GNL1: variants seen among roughly 807,000 people sequenced by gnomAD.
GNL1 encodes guanine nucleotide-binding protein-like 1.
Under a neutral mutation model 75.2 loss-of-function variants are expected in GNL1, and 21 were observed. That is an observed-to-expected ratio of 0.28 (90% confidence interval 0.20 to 0.40). The LOEUF is 0.40. Among genes scored for constraint, GNL1 ranks in the 10% least tolerant of loss-of-function variants. The pLI is 1.00. For missense variants in GNL1, 579 were observed against 775.0 expected, an observed-to-expected ratio of 0.75 and a Z score of 3.00; for synonymous variants, 287 against 303.4, an observed-to-expected ratio of 0.95 and a Z score of 0.56.
chr6:30,553,864 G>A (rs1286431615), intron 5 of GNL1, among the ~76,000 whole-genome samples: 1 of 152,188 alleles, frequency 6.6e-6, no homozygotes, highest in Non-Finnish European at 1.5e-5. Flanking sequence ...TGGGGGTTAG[G>A]GTAGAAATTA....
intron 8 of GNL1, among the ~76,000 whole-genome samples, chr6:30,550,008 T>A (rs530162531): frequency 6.6e-6 from 1 of 152,000 alleles, no homozygotes; most frequent in African/African-American, 2.4e-5. Flanking sequence ...TATTTTTTGG[T>A]AGAGACAGGG....
intron 5 of GNL1, 111 bp downstream of exon 5, chr6:30,554,464 T>A (rs1295400340): frequency 1.3e-6 from 1 of 760,458 alleles, no homozygotes; most frequent in Non-Finnish European, 2.4e-6. Flanking sequence ...AGGTAGAGAT[T>A]AGAAAGACAG....
chr6:30,553,503 C>T lies in GNL1; in HGVS notation c.655G>A (p.Ala219Thr). 2 of 1,612,944 alleles carry T rather than the reference C, an allele frequency of 1.2e-6. No homozygotes were observed. Among genetic ancestry groups the T allele is most frequent in the Non-Finnish European group, 1.7e-6 (2 of 1,179,936 alleles). ...YEYVTGELGL[A>T]LVLVLNKVDL... ...ACCTTGTTCAAAACCAGCACCAGGGCCAGTCCAAGTTCTCCAGTCACATAC... is the reference window on the plus strand; with the variant it reads ...ACCTTGTTCAAAACCAGCACCAGGGTCAGTCCAAGTTCTCCAGTCACATAC... Residue 219 changes from alanine to threonine, a missense_variant, in exon 6 of 12, where the codon GCC becomes ACC. Transcript: ENST00000376621.
chr6:30,554,456 G>A lies in GNL1; in HGVS notation c.600+119C>T, dbSNP rs1373139378. 2.4e-5 allele frequency: 18 copies of A among 747,136 alleles called. No homozygotes were observed. In the East Asian group the frequency reaches 3.4e-4, roughly 14 times the overall value. 46.3% of individuals were successfully genotyped at this position (747,136 alleles called of 1,614,324 possible). A position where few individuals can be genotyped will look rare whatever the true frequency, so the allele number is the denominator to read the frequency against. On this transcript the variant is annotated intron_variant, in intron 5 of 11. Transcript: ENST00000376621. ...TCCTAACTGCGGACATCAGCACTAG[G>A]TAGAGATTAGAAAGACAGGAAGATA...
chr6:30,553,696 C>T (rs1409361362), intron 5 of GNL1, 139 bp from the exon 6 acceptor site: 3 of 640,268 alleles, frequency 4.7e-6, no homozygotes, highest in East Asian at 2.7e-5. Flanking sequence ...ATAAACCAGA[C>T]AAACTGAAAA....
Position 30,542,613 on chromosome 6 carries a change from G to C in GNL1, c.*3459C>G, listed in dbSNP as rs1799231789. 2.6e-5 allele frequency: 4 copies of C among 152,112 alleles called. No homozygotes were observed. 9.4% of individuals were successfully genotyped at this position (152,112 alleles called of 1,614,324 possible). On this transcript the variant is annotated 3_prime_UTR_variant, in exon 12 of 12. Coordinates refer to ENST00000376621, the MANE Select transcript of GNL1 (RefSeq NM_005275.5). This position sits in a 1 kb window ranked among gnomAD's most constrained non-coding sequence, Gnocchi z 4.5. ...GAAACAGGATGTATACTCTTGACTT[G>C]TCTCTCTCCCCTACACAGCAAAACA...
At position 30,556,166 on chromosome 6, in the gene GNL1, T is replaced by C; in HGVS notation, c.38A>G (p.Lys13Arg). The change falls in exon 1 of 12, where the codon AAG (lysine) becomes AGG (arginine). Residue 13 changes from lysine to arginine, a missense_variant. By Grantham distance (26) the Lys-to-Arg change is conservative (BLOSUM62 2). Transcript: ENST00000376621. The surrounding 1 kb of genome is among the most constrained non-coding windows in gnomAD (Gnocchi z 5.7). Reference protein sequence around the residue: ...RKKPFSVKQKKKQLQDKRERK... With the variant: ...RKKPFSVKQKRKQLQDKRERK... ...CTCCCGTTTGTCCTGCAACTGCTTC[T>C]TCTTCTGCTTCACGCTGAATGGCTT... 6.2e-7 allele frequency: 1 copy of C among 1,605,676 alleles called. No homozygotes were observed. Among genetic ancestry groups the C allele is most frequent in the Non-Finnish European group, 8.5e-7 (1 of 1,179,386 alleles).
chr6:30,547,785 G>A lies in GNL1; in HGVS notation c.1100-255C>T. The stretch of plus-strand genomic sequence containing the variant: ...GTGGACACCTCCCTACCTCAGGGTG[G>A]TCAGGATTAAATGAGATAACCAATA... On this transcript the variant is annotated intron_variant, in intron 8 of 11. Transcript: ENST00000376621. This position sits in a 1 kb window ranked among gnomAD's most constrained non-coding sequence, Gnocchi z 5.5. 1 of 544,286 alleles carries A rather than the reference G, an allele frequency of 1.8e-6. No homozygotes were observed. The highest frequency in any genetic ancestry group is 3.2e-6 in the Non-Finnish European group (1 of 312,750). The allele number at this position is 544,286 out of a possible 1,614,324, so 33.7% of individuals were successfully genotyped here. A position where few individuals can be genotyped will look rare whatever the true frequency, so the allele number is the denominator to read the frequency against.
In GNL1 at chr6:30,552,155, C is replaced by A; in HGVS notation, c.1099+312G>T. 2.7e-6 allele frequency: 1 copy of A among 370,290 alleles called. No individual in the cohort carries two copies. Among genetic ancestry groups the A allele is most frequent in the South Asian group, 7.2e-5 (1 of 13,984 alleles). 22.9% of individuals were successfully genotyped at this position (370,290 alleles called of 1,614,324 possible). ...CTGGGACTATATAGGCATGAGCCCT[C>A]ACACATGGCCGTCATCCATTCTTTT... On this transcript the variant is annotated intron_variant, in intron 8 of 11. Coordinates refer to ENST00000376621, the MANE Select transcript of GNL1 (RefSeq NM_005275.5). This position sits in a 1 kb window ranked among gnomAD's most constrained non-coding sequence, Gnocchi z 4.5.
Position 30,556,452 on chromosome 6 carries a change from G to A in GNL1, c.-249C>T. 1 of 575,766 alleles carries A rather than the reference G, an allele frequency of 1.7e-6. No individual in the cohort carries two copies. Among genetic ancestry groups the A allele is most frequent in the South Asian group, 2.0e-5 (1 of 50,066 alleles). 35.7% of individuals were successfully genotyped at this position (575,766 alleles called of 1,614,324 possible). On this transcript the variant is annotated 5_prime_UTR_variant, in exon 1 of 12. Transcript: ENST00000376621. This position sits in a 1 kb window ranked among gnomAD's most constrained non-coding sequence, Gnocchi z 5.7. ...CGGGGTGGGCTACTGGCACGTGAGA[G>A]CCAGTGGCACCGAGAGGGCGCCCCG... is the stretch of plus-strand genomic sequence containing the variant.
At chr6:30,549,076 C>CA (rs757342178) in intron 8 of GNL1, among the ~76,000 whole-genome samples, 17 of 152,124 alleles carry the variant, frequency 1.1e-4, no homozygotes, top group Non-Finnish European at 1.9e-4. Context: ...TGGCTCACTA[C>CA]AACCTCATCC....
rs1378085526 is a variant in GNL1, at chr6:30,548,554, A to C, written c.1100-1024T>G. 6.6e-6 allele frequency among the ~76,000 whole-genome samples: 1 copy of C among 152,050 alleles called. No homozygotes were observed. The highest frequency in any genetic ancestry group is 1.5e-5 in the Non-Finnish European group (1 of 68,004). On this transcript the variant is annotated intron_variant, in intron 8 of 11. Transcript: ENST00000376621. This position sits in a 1 kb window ranked among gnomAD's most constrained non-coding sequence, Gnocchi z 4.2. ...TTCCTTCTTACTTGACTCAGATTTC[A>C]TGATCCAGCTCCTCAGCCAGGCCCG... is the stretch of plus-strand genomic sequence containing the variant.
In GNL1 at chr6:30,555,196, G is replaced by C. The variant is rs1372610025; in HGVS notation, c.240-5C>G. On this transcript the variant is annotated splice_polypyrimidine_tract_variant and splice_region_variant and intron_variant, in intron 2 of 11. Transcript: ENST00000376621. This position sits in a 1 kb window ranked among gnomAD's most constrained non-coding sequence, Gnocchi z 4.3. Reference sequence around the variant, plus strand: ...CTCTCAAAATGCAGTCGGTATCTAAGGGAACAGGGACCGAGACATCCAGAG... The same window carrying C: ...CTCTCAAAATGCAGTCGGTATCTAACGGAACAGGGACCGAGACATCCAGAG... 1.9e-6 allele frequency: 3 copies of C among 1,612,956 alleles called. No homozygotes were observed. In the East Asian group the frequency reaches 6.7e-5, roughly 36 times the overall value.
Position 30,547,061 on chromosome 6 carries a change from A to C in GNL1, c.1441+51T>G, listed in dbSNP as rs370514725. 4 of 1,511,894 alleles carry C rather than the reference A, an allele frequency of 2.6e-6. No homozygotes were observed. Among genetic ancestry groups the C allele is most frequent in the Non-Finnish European group, 3.7e-6 (4 of 1,089,514 alleles). 93.7% of individuals were successfully genotyped at this position (1,511,894 alleles called of 1,614,324 possible). ...GGAAGGGTAAAAGGCGAGGCAGGTA[A>C]GGAAGAGCAGCTGAAACCAGGTGGG... is the stretch of plus-strand genomic sequence containing the variant. On this transcript the variant is annotated intron_variant, in intron 10 of 11. Transcript: ENST00000376621. The surrounding 1 kb of genome is among the most constrained non-coding windows in gnomAD (Gnocchi z 5.5).
Position 30,555,256 on chromosome 6 carries a change from T to C in GNL1, c.240-65A>G. ...GGCCACAAACTCCTATTTTCTCCCC[T>C]CTTGTACAATCAACTTCGCAAACCA... On this transcript the variant is annotated intron_variant, in intron 2 of 11. Transcript: ENST00000376621. This position sits in a 1 kb window ranked among gnomAD's most constrained non-coding sequence, Gnocchi z 4.3. 1 of 1,591,302 alleles carries C rather than the reference T, an allele frequency of 6.3e-7. No homozygotes were observed. The highest frequency in any genetic ancestry group is 8.6e-7 in the Non-Finnish European group (1 of 1,162,510).
At position 30,553,030 on chromosome 6, in the gene GNL1, G is replaced by A. The variant is rs1393740628; in HGVS notation, c.904+54C>T. The A allele has an allele frequency of 2.3e-5, 28 of 1,200,770 alleles. No individual in the cohort carries two copies. In the East Asian group the frequency reaches 6.3e-4, roughly 27 times the overall value. 74.4% of individuals were successfully genotyped at this position (1,200,770 alleles called of 1,614,324 possible). The stretch of plus-strand genomic sequence containing the variant: ...CAGGAAAGGTGAGCAAAATGATTCT[G>A]CATCTTTGGTCTCCCCCATGTCCTC... On this transcript the variant is annotated intron_variant, in intron 7 of 11. Coordinates refer to ENST00000376621, the MANE Select transcript of GNL1 (RefSeq NM_005275.5).
At position 30,555,656 on chromosome 6, in the gene GNL1, T is replaced by C; in HGVS notation, c.138A>G (p.Glu46=). The change falls in exon 2 of 12, where the codon GAA becomes GAG. Residue 46 remains glutamate, a synonymous_variant. Transcript: ENST00000376621. The surrounding 1 kb of genome is among the most constrained non-coding windows in gnomAD (Gnocchi z 4.3). ...SRSGSRERRE[E]QTDTSDGESV... ...ACTCCCCGTCCGAGGTGTCGGTCTG[T>C]TCCTCTCGCCGCTCCCGGCTCCCGC... 1 of 1,614,044 alleles carries C rather than the reference T, an allele frequency of 6.2e-7. No individual in the cohort carries two copies. The highest frequency in any genetic ancestry group is 1.7e-4 in the Middle Eastern group (1 of 6,060).
Position 30,553,196 on chromosome 6 carries a change from C to G in GNL1, c.809-17G>C. ...TCTTCAAGACTGAGATCAGAGGGCACAAAAGGATGGGCACACGGGCTTAGG... is the reference window on the plus strand; with the variant it reads ...TCTTCAAGACTGAGATCAGAGGGCAGAAAAGGATGGGCACACGGGCTTAGG... On this transcript the variant is annotated splice_polypyrimidine_tract_variant and intron_variant, in intron 6 of 11. Coordinates refer to ENST00000376621, the MANE Select transcript of GNL1 (RefSeq NM_005275.5). 1.9e-6 allele frequency: 3 copies of G among 1,586,158 alleles called. No homozygotes were observed. Among genetic ancestry groups the G allele is most frequent in the Non-Finnish European group, 2.6e-6 (3 of 1,154,696 alleles).
At position 30,554,800 on chromosome 6, in the gene GNL1, G is replaced by A. The variant is rs147571704; in HGVS notation, c.492C>T (p.Ser164=). The change falls in exon 4 of 12, where the codon TCC becomes TCT. Residue 164 remains serine (S), a synonymous_variant. Coordinates refer to ENST00000376621, the MANE Select transcript of GNL1 (RefSeq NM_005275.5). Reference sequence around the variant, plus strand: ...GCTCAAAGTAGCTGAGTTTCTCAGAGGAGTAAGCCCCATGAATCTTCCCAA... The same window carrying A: ...GCTCAAAGTAGCTGAGTTTCTCAGAAGAGTAAGCCCCATGAATCTTCCCAA... ...DYLGKIHGAY[S]SEKLSYFEHN... 5.0e-6 allele frequency: 8 copies of A among 1,612,830 alleles called. No individual in the cohort carries two copies. Among genetic ancestry groups the A allele is most frequent in the African/African-American group, 1.3e-5 (1 of 74,920 alleles).
Sources: gnomAD v4.1 joint callset for allele counts (sites outside exome capture counted in the v4.1 genomes callset) on GRCh38, gnomAD v4.1.1 for gene constraint, Gnocchi (gnomAD v3.1) non-coding constraint, MANE v1.5 for transcripts, NCBI Gene and HGNC (gene_info 2026-07-23, HGNC 2026-07-21) for gene names.